The following SRL variants were observed in gnomAD, a reference collection of about 807,000 sequenced individuals.
SRL encodes sarcalumenin.
Under a neutral mutation model 39.5 loss-of-function variants are expected in SRL, and 23 were observed. The observed-to-expected ratio is 0.58, with a 90% CI of 0.42 to 0.82. The LOEUF is 0.82. Ranked by LOEUF, SRL falls within the 40% of genes least tolerant of loss-of-function variation. The pLI is 0.00. For synonymous variants in SRL, 272 were observed against 237.4 expected (o/e 1.15, Z -1.34); for missense variants, 592 against 607.8 (o/e 0.97, Z 0.27).
chr16:4,230,591 G>A (rs1245627997), intron 1 of SRL, among the ~76,000 whole-genome samples: 5 of 151,070 alleles, frequency 3.3e-5, no homozygotes, highest in Admixed American at 6.6e-5. Context: ...GTTTCACCAT[G>A]TTGGCCAGGC....
At chr16:4,209,603 G>A (rs12325262) in intron 1 of SRL, among the ~76,000 whole-genome samples, 1 of 152,168 alleles carries the variant, frequency 6.6e-6, no homozygotes, top group Non-Finnish European at 1.5e-5. Context: ...TTCCCCAAAA[G>A]CTGGGTGGCC....
At chr16:4,229,633 G>C (rs1459827350) in intron 1 of SRL, among the ~76,000 whole-genome samples, 1 of 151,902 alleles carries the variant, frequency 6.6e-6, no homozygotes, top group African/African-American at 2.4e-5. Flanking sequence ...CTACTAGATG[G>C]GGGAGTGAGA....
intron 1 of SRL, among the ~76,000 whole-genome samples, chr16:4,226,811 G>A (rs1264786760): frequency 6.6e-6 from 1 of 151,236 alleles, no homozygotes; most frequent in Non-Finnish European, 1.5e-5. Context: ...ATGGATGGAT[G>A]GATGGAAGAA....
chr16:4,220,404 C>T (rs1480463794), intron 1 of SRL, among the ~76,000 whole-genome samples: 9 of 151,618 alleles, frequency 5.9e-5, no homozygotes, highest in African/African-American at 1.7e-4. Flanking sequence ...GCCGAGATCA[C>T]GCCATTGCAC....
At chr16:4,240,980 G>C (rs908774211) in intron 1 of SRL, among the ~76,000 whole-genome samples, 1 of 152,112 alleles carries the variant, frequency 6.6e-6, no homozygotes, top group African/African-American at 2.4e-5. Context: ...CCGAGAAATA[G>C]CTTTTGTTCC....
Position 4,197,815 on chromosome 16 carries a change from G to T in SRL, c.360C>A (p.Arg120=), listed in dbSNP as rs915985137. 1.9e-6 allele frequency: 3 copies of T among 1,606,322 alleles called. No homozygotes were observed. The African/African-American group carries it at 4.0e-5, about 21-fold the overall frequency. The change falls in exon 4 of 6, where the codon CGC becomes CGA. Residue 120 remains arginine (R), a synonymous_variant. Coordinates refer to ENST00000399609, the MANE Select transcript of SRL (RefSeq NM_001098814.2). Reference sequence around the variant, plus strand: ...ATTGATTACCTGTATAGAGCTGATAGCGAGTATTTTCCAGCCCAAGGAGGT... The same window carrying T: ...ATTGATTACCTGTATAGAGCTGATATCGAGTATTTTCCAGCCCAAGGAGGT... ...INYLLGLENT[R]YQLYTGAEPT...
At chr16:4,213,458 G>A (rs1434190042) in intron 1 of SRL, among the ~76,000 whole-genome samples, 1 of 119,510 alleles carries the variant, frequency 8.4e-6, no homozygotes, top group East Asian at 2.4e-4. Flanking sequence ...CGCCCAGGTT[G>A]GGGTTCAATG....
Position 4,192,144 on chromosome 16 carries a change from C to A in SRL, c.*9G>T. ...TTCACCAACAGGAACCCAAGGACCG[C>A]TCCACCACCTAGTGCTTCCTGTAGC... On this transcript the variant is annotated 3_prime_UTR_variant, in exon 6 of 6. Coordinates refer to ENST00000399609, the MANE Select transcript of SRL (RefSeq NM_001098814.2). This position sits in a 1 kb window ranked among gnomAD's most constrained non-coding sequence, Gnocchi z 4.0. 2 of 1,537,278 alleles carry A rather than the reference C, an allele frequency of 1.3e-6. No homozygotes were observed. Among genetic ancestry groups the A allele is most frequent in the Non-Finnish European group, 1.7e-6 (2 of 1,146,080 alleles).
rs571216205 is a variant in SRL, at chr16:4,191,930, C to A, written c.*223G>T. On this transcript the variant is annotated 3_prime_UTR_variant, in exon 6 of 6. Coordinates refer to ENST00000399609, the MANE Select transcript of SRL (RefSeq NM_001098814.2). ...TGGAGGCTGACTTGCCTCAATCAGG[C>A]CTCCTCATTGAAGCAACAAGACAAG... is the stretch of plus-strand genomic sequence containing the variant. 79 of 486,024 alleles carry A rather than the reference C, an allele frequency of 1.6e-4. No individual in the cohort carries two copies. Among genetic ancestry groups the A allele is most frequent in the Middle Eastern group, 5.4e-4 (1 of 1,864 alleles). 30.1% of individuals were successfully genotyped at this position (486,024 alleles called of 1,614,324 possible). A position where few individuals can be genotyped will look rare whatever the true frequency, so the allele number is the denominator to read the frequency against.
At chr16:4,234,789 T>C (rs1345959047) in intron 1 of SRL, among the ~76,000 whole-genome samples, 1 of 152,156 alleles carries the variant, frequency 6.6e-6, no homozygotes, top group Non-Finnish European at 1.5e-5. Flanking sequence ...ATTTCACCCA[T>C]TCAGGACCCA....
chr16:4,202,059 G>C (rs967980119), intron 3 of SRL, among the ~76,000 whole-genome samples: 1 of 152,178 alleles, frequency 6.6e-6, no homozygotes, highest in South Asian at 2.1e-4. Context: ...CCAAAGTACT[G>C]AGATTACAGG....
chr16:4,241,300 CCCAAGCCA>C, intron 1 of SRL, among the ~76,000 whole-genome samples: 1 of 152,274 alleles, frequency 6.6e-6, no homozygotes, highest in Non-Finnish European at 1.5e-5. Context: ...CATGCTGCAA[CCCAAGCCA>C]CCACCTCTGC....
At chr16:4,193,195 G>T (rs1258877303) in intron 5 of SRL, among the ~76,000 whole-genome samples, 1 of 152,090 alleles carries the variant, frequency 6.6e-6, no homozygotes, top group African/African-American at 2.4e-5. Context: ...TTGAGACAGG[G>T]TCTCACTCTG....
intron 1 of SRL, among the ~76,000 whole-genome samples, chr16:4,233,130 G>C (rs1362211735): frequency 6.6e-6 from 1 of 152,252 alleles, no homozygotes; most frequent in African/African-American, 2.4e-5. Flanking sequence ...AGAGGGCTGA[G>C]AGAAAGAGCC....
intron 4 of SRL, among the ~76,000 whole-genome samples, chr16:4,197,366 C>G (rs912177219): frequency 6.7e-6 from 1 of 149,918 alleles, no homozygotes; most frequent in African/African-American, 2.5e-5. Context: ...CCACCATGCA[C>G]AGCCTTTTTC....
intron 5 of SRL, among the ~76,000 whole-genome samples, chr16:4,193,242 C>T (rs1381398619): frequency 6.6e-6 from 1 of 152,128 alleles, no homozygotes; most frequent in Non-Finnish European, 1.5e-5. Context: ...GATTATAGCT[C>T]ACTGCAGCCT....
chr16:4,221,015 T>C (rs1393236965), intron 1 of SRL, among the ~76,000 whole-genome samples: 1 of 151,662 alleles, frequency 6.6e-6, no homozygotes, highest in African/African-American at 2.4e-5. Flanking sequence ...TGAAACCAGA[T>C]GAGGCCCTCA....
intron 1 of SRL, among the ~76,000 whole-genome samples, chr16:4,222,540 C>T (rs2052542013): frequency 6.6e-6 from 1 of 152,154 alleles, no homozygotes. Flanking sequence ...TCCCAAAGTG[C>T]TTAGATTACA....
At chr16:4,228,690 ATG>A (rs1263401734) in intron 1 of SRL, among the ~76,000 whole-genome samples, 1 of 151,828 alleles carries the variant, frequency 6.6e-6, no homozygotes, top group Non-Finnish European at 1.5e-5. Flanking sequence ...AGCCAAGATC[ATG>A]CCACTGCACT....
Sources: gnomAD v4.1 joint callset for allele counts (sites outside exome capture counted in the v4.1 genomes callset) on GRCh38, gnomAD v4.1.1 for gene constraint, Gnocchi (gnomAD v3.1) non-coding constraint, MANE v1.5 for transcripts, NCBI Gene and HGNC (gene_info 2026-07-23, HGNC 2026-07-21) for gene names.